Variants in MEF2A observed in about 807,000 individuals in gnomAD.
MEF2A encodes myocyte enhancer factor 2A.
MEF2A carries 28 observed loss-of-function variants against 55.8 expected under a neutral mutation model. That is an observed-to-expected ratio of 0.50 (90% CI 0.37 to 0.69). The LOEUF (loss-of-function observed/expected upper bound fraction) is 0.69. MEF2A is among the 30% of genes least tolerant of loss of function. The pLI is 0.00. For synonymous variants in MEF2A, 239 were observed against 227.1 expected (o/e 1.05, Z -0.47); for missense variants, 528 against 626.2 (o/e 0.84, Z 1.67).
At chr15:99,711,242 G>A (rs1174994197) in intron 11 of MEF2A, among the ~76,000 whole-genome samples, 1 of 152,304 alleles carries the variant, frequency 6.6e-6, no homozygotes, top group East Asian at 1.9e-4. Context: ...AAGACAAGCT[G>A]GAGCTTTTGC....
In MEF2A at chr15:99,602,653, G is replaced by GGTGTGTGTGTGTGTGTGT. The variant is rs773502316; in HGVS notation, c.-143+4171_-143+4188dup. ...CCTGGTGGTTGCCTGACATTCCTGG[G>GGTGTGTGTGTGTGTGTGT]GTGTGTGTGTGTGTGTGTGTGTGTG... is the stretch of plus-strand genomic sequence containing the variant. On this transcript the variant is annotated intron_variant, in intron 2 of 11. Transcript: ENST00000557942. 6.7e-4 allele frequency among the ~76,000 whole-genome samples: 30 copies of GGTGTGTGTGTGTGTGTGT among 44,870 alleles called. 3 individuals are homozygous for GGTGTGTGTGTGTGTGTGT. Among genetic ancestry groups the GGTGTGTGTGTGTGTGTGT allele is most frequent in the South Asian group, 1.2e-3 (1 of 810 alleles). The allele number at this position is 44,870 out of a possible 152,430, so 29.4% of individuals were successfully genotyped here. A position where few individuals can be genotyped will look rare whatever the true frequency, so the allele number is the denominator to read the frequency against.
intron 9 of MEF2A, 38 bp downstream of exon 9, chr15:99,703,423 A>T (rs766550480): frequency 6.3e-7 from 1 of 1,583,958 alleles, no homozygotes; most frequent in South Asian, 1.2e-5. Context: ...GTTGAAAAAG[A>T]TGTAGAAAGT....
At chr15:99,606,037 C>T (rs1974991186) in intron 2 of MEF2A, among the ~76,000 whole-genome samples, 1 of 152,168 alleles carries the variant, frequency 6.6e-6, no homozygotes. Flanking sequence ...TATAAATCTA[C>T]AGTCACTGAT....
intron 2 of MEF2A, among the ~76,000 whole-genome samples, chr15:99,617,095 G>T (rs2040323656): frequency 6.6e-6 from 1 of 152,108 alleles, no homozygotes; most frequent in African/African-American, 2.4e-5. Flanking sequence ...TTCTTTGAAT[G>T]CTGTCTTCTG....
At chr15:99,630,198 G>C (rs2042731072) in intron 2 of MEF2A, among the ~76,000 whole-genome samples, 1 of 151,854 alleles carries the variant, frequency 6.6e-6, no homozygotes, top group East Asian at 1.9e-4. Flanking sequence ...TTGCCTATAT[G>C]TTTTCTCCTC....
At chr15:99,632,683 G>C (rs1007033268) in intron 2 of MEF2A, among the ~76,000 whole-genome samples, 5 of 152,162 alleles carry the variant, frequency 3.3e-5, no homozygotes, top group African/African-American at 9.7e-5. Context: ...AAAATGTCTA[G>C]TACATAGAAG....
At chr15:99,709,584 A>G (rs1452099967) in intron 10 of MEF2A, among the ~76,000 whole-genome samples, 1 of 152,216 alleles carries the variant, frequency 6.6e-6, no homozygotes, top group Non-Finnish European at 1.5e-5. Context: ...CCTTTTTTAA[A>G]ATGTTAATTC....
chr15:99,713,910 C>G lies in MEF2A; in HGVS notation c.*1139C>G, dbSNP rs1397486612. The G allele has an allele frequency of 6.6e-6, 1 of 152,114 alleles. No individual in the cohort carries two copies. Among genetic ancestry groups the G allele is most frequent in the Non-Finnish European group, 1.5e-5 (1 of 68,026 alleles). 9.4% of individuals were successfully genotyped at this position (152,114 alleles called of 1,614,324 possible). ...TAAGTACCTATGTATTGTATGGTCA[C>G]CAGATTAAAAAGTATATTTTTGTGG... is the stretch of plus-strand genomic sequence containing the variant. On this transcript the variant is annotated 3_prime_UTR_variant, in exon 12 of 12. Coordinates refer to ENST00000557942, the MANE Select transcript of MEF2A (RefSeq NM_001319206.4).
At chr15:99,711,072 T>G (rs1304255976) in intron 11 of MEF2A, among the ~76,000 whole-genome samples, 2 of 152,148 alleles carry the variant, frequency 1.3e-5, no homozygotes, top group African/African-American at 2.4e-5. Context: ...GCATGCACCA[T>G]CCTTCTGCCC....
chr15:99,696,743 A>T (rs2056531166), intron 8 of MEF2A, among the ~76,000 whole-genome samples: 1 of 151,910 alleles, frequency 6.6e-6, no homozygotes, highest in Non-Finnish European at 1.5e-5. Flanking sequence ...ATGTAAAGTG[A>T]TACCAATTCT....
At chr15:99,601,509 A>C (rs1263439628) in intron 2 of MEF2A, among the ~76,000 whole-genome samples, 6 of 110,830 alleles carry the variant, frequency 5.4e-5, no homozygotes, top group Admixed American at 4.7e-4. Flanking sequence ...TCTTGGTCAG[A>C]GTTTTTTTTT....
At chr15:99,699,952 A>ATG (rs752346994) in intron 8 of MEF2A, among the ~76,000 whole-genome samples, 4,121 of 130,326 alleles carry the variant, frequency 0.032, 84 homozygotes, top group Middle Eastern at 0.068. Flanking sequence ...AAGAGTTTAT[A>ATG]TGTGTGTGTG....
chr15:99,641,479 T>C (rs2044917365), intron 3 of MEF2A, among the ~76,000 whole-genome samples: 1 of 152,096 alleles, frequency 6.6e-6, no homozygotes, highest in Non-Finnish European at 1.5e-5. Flanking sequence ...ATCCCAGCAC[T>C]TTGGGAGGCC....
chr15:99,688,896 A>G (rs2054826393), intron 7 of MEF2A, among the ~76,000 whole-genome samples: 1 of 152,194 alleles, frequency 6.6e-6, no homozygotes, highest in African/African-American at 2.4e-5. Flanking sequence ...CACTGTGGTG[A>G]GCGAGAATGA....
intron 6 of MEF2A, 74 bp from the exon 7 acceptor site, chr15:99,675,325 C>T: frequency 8.1e-7 from 1 of 1,240,556 alleles, no homozygotes; most frequent in Non-Finnish European, 1.2e-6. Context: ...CTATTCAGTT[C>T]ACGTTCAGTT....
intron 4 of MEF2A, among the ~76,000 whole-genome samples, chr15:99,646,556 T>C (rs1035284718): frequency 2.0e-5 from 3 of 152,104 alleles, no homozygotes; most frequent in African/African-American, 7.2e-5. Flanking sequence ...TTGGCTTAGT[T>C]TGTAATAGAA....
At chr15:99,626,618 A>C (rs1596571074) in intron 2 of MEF2A, among the ~76,000 whole-genome samples, 1 of 152,036 alleles carries the variant, frequency 6.6e-6, no homozygotes, top group Non-Finnish European at 1.5e-5. Context: ...GCTATTCTTT[A>C]ACCTTTGTAT....
intron 1 of MEF2A, among the ~76,000 whole-genome samples, chr15:99,597,509 G>A (rs2153035564): frequency 1.1e-5 from 1 of 94,610 alleles, no homozygotes; most frequent in East Asian, 3.7e-4. Context: ...TCGGTCCTGT[G>A]GTCCTGTGGT....
At chr15:99,620,534 C>G (rs935867812) in intron 2 of MEF2A, among the ~76,000 whole-genome samples, 2 of 152,188 alleles carry the variant, frequency 1.3e-5, no homozygotes, top group African/African-American at 4.8e-5. Context: ...CTTTTTATGA[C>G]TGTGTAGTGT....
Sources: allele counts gnomAD v4.1 joint callset (sites outside exome capture counted in the v4.1 genomes callset), GRCh38; gene constraint gnomAD v4.1.1; transcripts MANE v1.5; gene names NCBI Gene and HGNC (gene_info 2026-07-23, HGNC 2026-07-21).